Variants in PRRG1 observed in about 807,000 individuals in gnomAD.
PRRG1 encodes proline rich and Gla domain 1, also known as transmembrane gamma-carboxyglutamic acid protein 1.
Under a neutral mutation model 11.8 loss-of-function variants are expected in PRRG1, and 5 were observed. The ratio of observed to expected loss-of-function variants is 0.42; its 90% CI spans 0.22 to 0.89. The LOEUF is 0.89. Among genes scored for constraint, PRRG1 ranks in the 40% least tolerant of loss-of-function variants. The probability of loss-of-function intolerance (pLI) is 0.28; values close to 1 mark genes in which losing one functional copy is unlikely to be tolerated. For synonymous variants in PRRG1, 66 were observed against 60.4 expected (o/e 1.09, Z -0.43); for missense variants, 155 against 166.1 (o/e 0.93, Z 0.37).
intron 1 of PRRG1, among the ~76,000 whole-genome samples, chrX:37,385,806 G>A (rs1931307206): frequency 9.2e-6 from 1 of 108,838 alleles, no homozygotes; most frequent in African/African-American, 3.4e-5. Context: ...TGTCGTCCAG[G>A]CTGGAGTGCA....
At position 37,453,590 on chromosome X, in the gene PRRG1, C is replaced by G. The variant is rs782671724; in HGVS notation, c.626C>G (p.Pro209Arg). The change falls in exon 4 of 4, where the codon CCT (proline) becomes CGT (arginine). Residue 209 changes from proline (P) to arginine (R), a missense_variant. Pro to Arg is a moderately radical substitution (Grantham distance 103, BLOSUM62 -2). Transcript: ENST00000378628. The stretch of plus-strand genomic sequence containing the variant: ...AACTCCAACTCAGCCAGTGCCATTC[C>G]TATGGTGCCTGTGGTCACCACCATC... ...IVNSNSASAI[P>R]MVPVVTTIK is the part of the protein sequence containing the mutation. 1.7e-6 allele frequency: 2 copies of G among 1,193,711 alleles called. No homozygotes were observed. Among genetic ancestry groups the G allele is most frequent in the African/African-American group, 3.5e-5 (2 of 57,263 alleles).
At chrX:37,375,712 GA>G (rs1302680640) in intron 1 of PRRG1, among the ~76,000 whole-genome samples, 16 of 111,074 alleles carry the variant, frequency 1.4e-4, no homozygotes, top group Non-Finnish European at 3.0e-4. Context: ...GCCTTGGTAA[GA>G]AAGAGAATGT....
chrX:37,402,704 A>G (rs1162214106), intron 1 of PRRG1, among the ~76,000 whole-genome samples: 1 of 111,524 alleles, frequency 9.0e-6, no homozygotes, highest in Non-Finnish European at 1.9e-5. Context: ...GCAACCTACA[A>G]AATGGGAGAA....
chrX:37,399,808 C>T (rs1379241670), intron 1 of PRRG1, among the ~76,000 whole-genome samples: 2 of 105,114 alleles, frequency 1.9e-5, no homozygotes, highest in Non-Finnish European at 3.9e-5. Context: ...AAATGGAAAA[C>T]AAAAAAAGGC....
At chrX:37,442,796 C>G (rs1226897390) in intron 3 of PRRG1, among the ~76,000 whole-genome samples, 1 of 111,152 alleles carries the variant, frequency 9.0e-6, no homozygotes, top group African/African-American at 3.3e-5. Flanking sequence ...GGGACTGAGC[C>G]TTAGGTTGGC....
At chrX:37,433,981 A>C (rs1293371518) in intron 3 of PRRG1, among the ~76,000 whole-genome samples, 1 of 112,151 alleles carries the variant, frequency 8.9e-6, no homozygotes, top group Non-Finnish European at 1.9e-5. Flanking sequence ...TTTCAGAACA[A>C]TGTTTGTTAT....
chrX:37,365,552 TC>T (rs1386727826), intron 1 of PRRG1, among the ~76,000 whole-genome samples: 2 of 112,241 alleles, frequency 1.8e-5, no homozygotes, highest in African/African-American at 6.5e-5. Flanking sequence ...TATATAATAA[TC>T]TGTTATCTGT....
intron 1 of PRRG1, among the ~76,000 whole-genome samples, chrX:37,401,800 A>T (rs1454559100): frequency 9.0e-6 from 1 of 111,564 alleles, no homozygotes; most frequent in Non-Finnish European, 1.9e-5. Context: ...CAGGATAAAA[A>T]ATCAATGTAC....
At chrX:37,400,503 A>C (rs1389306356) in intron 1 of PRRG1, among the ~76,000 whole-genome samples, 2 of 111,350 alleles carry the variant, frequency 1.8e-5, no homozygotes, top group East Asian at 5.6e-4. Flanking sequence ...GGAAATTTAT[A>C]GCACTAAATG....
chrX:37,361,433 A>C (rs1930412569), intron 1 of PRRG1, among the ~76,000 whole-genome samples: 1 of 112,019 alleles, frequency 8.9e-6, no homozygotes, highest in African/African-American at 3.2e-5. Flanking sequence ...TCAAATACCG[A>C]TGATGAGTTT....
intron 3 of PRRG1, among the ~76,000 whole-genome samples, chrX:37,437,506 A>C (rs5963522): frequency 0.16 from 18,069 of 111,469 alleles, 1,845 homozygotes; most frequent in African/African-American, 0.38. Flanking sequence ...TAACTTGTGG[A>C]CCTGTCACCT....
chrX:37,402,821 A>T (rs2146576370), intron 1 of PRRG1, among the ~76,000 whole-genome samples: 1 of 111,716 alleles, frequency 9.0e-6, no homozygotes, highest in East Asian at 2.8e-4. Flanking sequence ...TGGGCAAAGG[A>T]CATGAACAGA....
In PRRG1 at chrX:37,380,236, C is replaced by T. The variant is rs782171112; in HGVS notation, c.-41-25973C>T. Among the ~76,000 whole-genome samples, 4 of 111,687 alleles carry T rather than the reference C, an allele frequency of 3.6e-5. No individual in the cohort carries two copies. The South Asian group carries it at 1.5e-3, about 42-fold the overall frequency. ...GAAAAGCAAATAAAAAGGGCCAGAACTCCGAGAGCCTGTCTTAGAACCTCT... is the reference window on the plus strand; with the variant it reads ...GAAAAGCAAATAAAAAGGGCCAGAATTCCGAGAGCCTGTCTTAGAACCTCT... On this transcript the variant is annotated intron_variant, in intron 1 of 3. Transcript: ENST00000378628.
At chrX:37,444,571 A>G (rs1556394658) in intron 3 of PRRG1, among the ~76,000 whole-genome samples, 1 of 111,976 alleles carries the variant, frequency 8.9e-6, no homozygotes, top group Non-Finnish European at 1.9e-5. Flanking sequence ...GGCATGGTGT[A>G]AGTACATTAT....
intron 1 of PRRG1, among the ~76,000 whole-genome samples, chrX:37,353,425 G>T (rs1289074746): frequency 8.9e-6 from 1 of 111,791 alleles, no homozygotes; most frequent in Non-Finnish European, 1.9e-5. Context: ...GTAAGCTAAG[G>T]TTAATTTATT....
chrX:37,376,458 G>T (rs1250413801), intron 1 of PRRG1, among the ~76,000 whole-genome samples: 2 of 96,668 alleles, frequency 2.1e-5, no homozygotes, highest in Non-Finnish European at 4.2e-5. Context: ...TTTTGCAGCA[G>T]CTCTTATCTT....
chrX:37,402,798 C>A (rs1474790620), intron 1 of PRRG1, among the ~76,000 whole-genome samples: 1 of 110,693 alleles, frequency 9.0e-6, no homozygotes, highest in Non-Finnish European at 1.9e-5. Context: ...AAAAAAACAA[C>A]CCCATCAAAA....
intron 2 of PRRG1, among the ~76,000 whole-genome samples, chrX:37,418,562 G>A (rs1189750727): frequency 8.9e-6 from 1 of 112,051 alleles, no homozygotes; most frequent in African/African-American, 3.2e-5. Context: ...TGATTTAAAA[G>A]ATTTTTAAAA....
intron 3 of PRRG1, among the ~76,000 whole-genome samples, chrX:37,451,125 T>C (rs1921119740): frequency 8.9e-6 from 1 of 111,847 alleles, no homozygotes; most frequent in African/African-American, 3.3e-5. Context: ...TTCAAGCAGT[T>C]CTCCTGCCTC....
Sources: allele counts gnomAD v4.1 joint callset (sites outside exome capture counted in the v4.1 genomes callset), GRCh38; gene constraint gnomAD v4.1.1; transcripts MANE v1.5; gene names NCBI Gene and HGNC (gene_info 2026-07-23, HGNC 2026-07-21).